PKIG: variants seen among roughly 807,000 people sequenced by gnomAD.
PKIG encodes the protein cAMP-dependent protein kinase inhibitor gamma.
Under a neutral mutation model 6.8 loss-of-function variants are expected in PKIG, and 1 was observed. The observed-to-expected ratio is 0.15, with a 90% CI of 0.05 to 0.69. PKIG has a LOEUF of 0.69. Among genes scored for constraint, PKIG ranks in the 30% least tolerant of loss-of-function variants. The pLI is 0.82. For synonymous variants in PKIG, 39 were observed against 43.0 expected (o/e 0.91, Z 0.36); for missense variants, 77 against 104.0 (o/e 0.74, Z 1.13).
intron 2 of PKIG, among the ~76,000 whole-genome samples, chr20:44,595,275 A>C (rs141783393): frequency 0.023 from 3,435 of 152,324 alleles, 193 homozygotes; most frequent in Admixed American, 0.14. Flanking sequence ...TCAAACTCTC[A>C]AATGTGTCTG....
intron 1 of PKIG, among the ~76,000 whole-genome samples, chr20:44,545,076 C>T (rs771808881): frequency 7.2e-5 from 11 of 151,790 alleles, no homozygotes; most frequent in Admixed American, 6.6e-5. Flanking sequence ...GCTAGGATTA[C>T]AGGCGTGCCC....
At chr20:44,567,194 G>A (rs2064817399) in intron 1 of PKIG, among the ~76,000 whole-genome samples, 1 of 152,218 alleles carries the variant, frequency 6.6e-6, no homozygotes, top group African/African-American at 2.4e-5. Context: ...AATGCAGGCT[G>A]GGGAAAGCCA....
At chr20:44,594,997 C>T (rs2065063229) in intron 2 of PKIG, among the ~76,000 whole-genome samples, 2 of 152,202 alleles carry the variant, frequency 1.3e-5, no homozygotes, top group Admixed American at 1.3e-4. Context: ...CCCCTGGGTG[C>T]AGATGTTTGC....
intron 1 of PKIG, among the ~76,000 whole-genome samples, chr20:44,565,009 C>G (rs566695924): frequency 6.6e-6 from 1 of 152,108 alleles, no homozygotes; most frequent in Non-Finnish European, 1.5e-5. Flanking sequence ...TTCATTAGGA[C>G]GTGTTGACCT....
chr20:44,614,609 G>A lies in PKIG; in HGVS notation c.53G>A (p.Gly18Asp). 6.2e-7 allele frequency: 1 copy of A among 1,614,102 alleles called. No individual in the cohort carries two copies. Among genetic ancestry groups the A allele is most frequent in the South Asian group, 1.1e-5 (1 of 91,084 alleles). ...YSDFISCDRTGRRNAVPDIQG... is the reference protein window; with the variant it reads ...YSDFISCDRTDRRNAVPDIQG... Reference sequence around the variant, plus strand: ...GACTTCATCTCCTGTGACCGGACAGGCCGTCGGAATGCGGTCCCTGACATC... The same window carrying A: ...GACTTCATCTCCTGTGACCGGACAGACCGTCGGAATGCGGTCCCTGACATC... Residue 18 changes from glycine to aspartate, a missense_variant, in exon 3 of 4, where the codon GGC becomes GAC. Gly to Asp is a moderately conservative substitution (Grantham distance 94, BLOSUM62 -1). Coordinates refer to ENST00000372886, the MANE Select transcript of PKIG (RefSeq NM_001281445.2). This position sits in a 1 kb window ranked among gnomAD's most constrained non-coding sequence, Gnocchi z 4.6.
At chr20:44,539,526 C>T (rs1293260699) in intron 1 of PKIG, among the ~76,000 whole-genome samples, 3 of 151,446 alleles carry the variant, frequency 2.0e-5, no homozygotes, top group Admixed American at 2.0e-4. Context: ...TCAAGCGATT[C>T]TTCTGCCTCA....
chr20:44,548,918 GATA>G (rs1192597856), intron 1 of PKIG, among the ~76,000 whole-genome samples: 3 of 149,050 alleles, frequency 2.0e-5, no homozygotes, highest in African/African-American at 7.5e-5. Context: ...ATCTGTCTGA[GATA>G]ATAATTAGAT....
intron 2 of PKIG, among the ~76,000 whole-genome samples, chr20:44,609,864 G>C (rs1306598830): frequency 6.6e-6 from 1 of 152,232 alleles, no homozygotes; most frequent in African/African-American, 2.4e-5. Context: ...ACCTCAGAGG[G>C]CAGCTGTGGC....
chr20:44,536,586 G>T (rs758535646), intron 1 of PKIG, among the ~76,000 whole-genome samples: 6 of 152,182 alleles, frequency 3.9e-5, no homozygotes, highest in Non-Finnish European at 8.8e-5. Flanking sequence ...ATCAGTCCTG[G>T]TGGGGCTTTG....
At chr20:44,607,209 G>A (rs1297744479) in intron 2 of PKIG, among the ~76,000 whole-genome samples, 1 of 152,042 alleles carries the variant, frequency 6.6e-6, no homozygotes, top group Non-Finnish European at 1.5e-5. Context: ...AGAGTATCAT[G>A]CAGACAATAA....
intron 2 of PKIG, among the ~76,000 whole-genome samples, chr20:44,600,254 G>T (rs1031553631): frequency 6.6e-5 from 10 of 152,182 alleles, no homozygotes; most frequent in African/African-American, 2.4e-4. Flanking sequence ...GCAGAGGCAG[G>T]CAGGGCCAGG....
chr20:44,588,920 A>C (rs2065011990), intron 1 of PKIG, among the ~76,000 whole-genome samples: 1 of 152,242 alleles, frequency 6.6e-6, no homozygotes, highest in African/African-American at 2.4e-5. Flanking sequence ...AAAGTTATAC[A>C]TGCCTCTTTA....
intron 1 of PKIG, among the ~76,000 whole-genome samples, chr20:44,541,695 CTTTT>C (rs554662358): frequency 7.4e-6 from 1 of 134,770 alleles, no homozygotes; most frequent in African/African-American, 2.7e-5. Context: ...TCTTTAGGTT[CTTTT>C]TTTTTTTTTT....
chr20:44,613,259 G>T (rs763605515), intron 2 of PKIG, among the ~76,000 whole-genome samples: 3 of 152,100 alleles, frequency 2.0e-5, no homozygotes, highest in African/African-American at 7.2e-5. Flanking sequence ...TCTGCCTCCC[G>T]GGTTCATGCC....
chr20:44,540,751 A>G (rs2064554291), intron 1 of PKIG, among the ~76,000 whole-genome samples: 2 of 151,576 alleles, frequency 1.3e-5, no homozygotes, highest in Non-Finnish European at 2.9e-5. Flanking sequence ...CTAATTTTTA[A>G]AAATATTTTT....
At chr20:44,543,742 C>T (rs940811851) in intron 1 of PKIG, among the ~76,000 whole-genome samples, 4 of 152,020 alleles carry the variant, frequency 2.6e-5, no homozygotes, top group African/African-American at 7.2e-5. Context: ...ATGTATGGCA[C>T]CCACCTAAGG....
chr20:44,535,894 A>G (rs992956044), intron 1 of PKIG, among the ~76,000 whole-genome samples: 5 of 152,218 alleles, frequency 3.3e-5, no homozygotes, highest in Non-Finnish European at 5.9e-5. Flanking sequence ...TGTGCAACCA[A>G]TCTGCATGAC....
At chr20:44,568,799 T>A (rs531739038) in intron 1 of PKIG, among the ~76,000 whole-genome samples, 6 of 152,130 alleles carry the variant, frequency 3.9e-5, no homozygotes, top group Non-Finnish European at 8.8e-5. Context: ...GATAGTATCA[T>A]TTATTGTGAC....
chr20:44,617,766 C>T (rs900523689), intron 3 of PKIG, among the ~76,000 whole-genome samples: 5 of 152,206 alleles, frequency 3.3e-5, no homozygotes, highest in Admixed American at 2.6e-4. Context: ...GAACATTGGC[C>T]GGGCACGGTG....
Sources: gnomAD v4.1 joint callset for allele counts (sites outside exome capture counted in the v4.1 genomes callset) on GRCh38, gnomAD v4.1.1 for gene constraint, Gnocchi (gnomAD v3.1) non-coding constraint, MANE v1.5 for transcripts, NCBI Gene and HGNC (gene_info 2026-07-23, HGNC 2026-07-21) for gene names.